The following TJP1 variants were observed in gnomAD, a reference collection of about 807,000 sequenced individuals.
TJP1 encodes tight junction protein 1.
A neutral mutation model predicts 194.2 loss-of-function variants in TJP1; 43 were observed. The ratio of observed to expected loss-of-function variants is 0.22; its 90% CI spans 0.17 to 0.29. TJP1 has a LOEUF of 0.29. Ranked by LOEUF, TJP1 falls within the 10% of genes least tolerant of loss-of-function variation. The pLI is 1.00. For synonymous variants in TJP1, 801 were observed against 779.0 expected (o/e 1.03, Z -0.47); for missense variants, 1,971 against 2,185.7 (o/e 0.90, Z 1.96).
chr15:29,761,989 C>T (rs1012928527), intron 6 of TJP1, among the ~76,000 whole-genome samples: 8 of 152,116 alleles, frequency 5.3e-5, no homozygotes, highest in Non-Finnish European at 8.8e-5. Context: ...TCCCCTAACT[C>T]CTTCTTTGAG....
chr15:29,797,348 C>A (rs2048480218), intron 2 of TJP1, among the ~76,000 whole-genome samples: 1 of 152,118 alleles, frequency 6.6e-6, no homozygotes, highest in Non-Finnish European at 1.5e-5. Context: ...CAGGCTTTCA[C>A]CATGTTGGCC....
intron 4 of TJP1, among the ~76,000 whole-genome samples, chr15:29,767,105 G>C (rs1321886967): frequency 6.6e-6 from 1 of 152,134 alleles, no homozygotes; most frequent in Admixed American, 6.6e-5. Flanking sequence ...TCAGTCTCTG[G>C]ATCTCTTCAA....
In TJP1 at chr15:29,718,317, T is replaced by A. The variant is rs1056744052; in HGVS notation, c.3825A>T (p.Arg1275Ser). ...CCTTCTTGGTCTCTAAGGATGCAGA[T>A]CTTTTGTTTTCAAACATCTTAACTC... is the stretch of plus-strand genomic sequence containing the variant. ...LTRVKMFENK[R>S]SASLETKKDV... The change falls in exon 21 of 28, where the codon AGA becomes AGT. Residue 1275 changes from arginine to serine, a missense_variant. Arg to Ser is a moderately radical substitution (Grantham distance 110). Transcript: ENST00000614355. 1 of 1,613,924 alleles carries A rather than the reference T, an allele frequency of 6.2e-7. No individual in the cohort carries two copies. Among genetic ancestry groups the A allele is most frequent in the African/African-American group, 1.3e-5 (1 of 74,878 alleles).
chr15:29,908,448 G>A (rs989113879), intron 2 of TJP1, among the ~76,000 whole-genome samples: 2 of 152,164 alleles, frequency 1.3e-5, no homozygotes, highest in Non-Finnish European at 1.5e-5. Context: ...GCTATCAAGT[G>A]GGCAGGTGAT....
At chr15:29,904,387 A>G (rs1020653047) in intron 2 of TJP1, among the ~76,000 whole-genome samples, 1 of 152,166 alleles carries the variant, frequency 6.6e-6, no homozygotes, top group African/African-American at 2.4e-5. Context: ...TTTGGCATGC[A>G]GCTAGAGGAG....
Position 29,822,200 on chromosome 15 carries a change from A to C in TJP1, c.-172T>G. On this transcript the variant is annotated 5_prime_UTR_variant, in exon 1 of 28. Transcript: ENST00000614355. The stretch of plus-strand genomic sequence containing the variant: ...GGGGAGGGAATTCAACTCGGACAAA[A>C]GTCCGGGAAGCGCCCGCCCCGCCCG... The C allele has an allele frequency of 8.5e-7, 1 of 1,175,786 alleles. No individual in the cohort carries two copies. Among genetic ancestry groups the C allele is most frequent in the Middle Eastern group, 3.4e-4 (1 of 2,964 alleles). The allele number at this position is 1,175,786 out of a possible 1,614,324, so 72.8% of individuals were successfully genotyped here. A position where few individuals can be genotyped will look rare whatever the true frequency, so the allele number is the denominator to read the frequency against.
intron 2 of TJP1, among the ~76,000 whole-genome samples, chr15:29,909,114 G>A (rs1032910491): frequency 8.1e-5 from 12 of 147,244 alleles, no homozygotes; most frequent in African/African-American, 1.8e-4. Context: ...CCAAGATTGC[G>A]CCACTGCACT....
intron 23 of TJP1, among the ~76,000 whole-genome samples, chr15:29,711,651 GCCA>G (rs1358178987): frequency 6.6e-6 from 1 of 152,186 alleles, no homozygotes; most frequent in African/African-American, 2.4e-5. Flanking sequence ...ACAGGCATGA[GCCA>G]CCGCACCCGG....
Position 29,716,806 on chromosome 15 carries a change from G to T in TJP1, c.4007C>A (p.Pro1336Gln). The T allele has an allele frequency of 6.2e-7, 1 of 1,605,332 alleles. No individual in the cohort carries two copies. The highest frequency in any genetic ancestry group is 8.5e-7 in the Non-Finnish European group (1 of 1,172,558). The change falls in exon 23 of 28, where the codon CCA becomes CAA. Residue 1336 changes from proline (P) to glutamine (Q), a missense_variant. Physicochemically the swap from Pro to Gln is moderately conservative, Grantham distance 76 (BLOSUM62 -1). This residue lies in a region of TJP1 where 1,108 missense variants were observed against 1,128.5 expected (regional missense o/e 0.98). Coordinates refer to ENST00000614355, the MANE Select transcript of TJP1 (RefSeq NM_001330239.4). Reference sequence around the variant, plus strand: ...ATTGGACCGAACAATATCTTCAGGTGGCTTCAGTTGAGGTTTTTGAGGTTC... The same window carrying T: ...ATTGGACCGAACAATATCTTCAGGTTGCTTCAGTTGAGGTTTTTGAGGTTC... The part of the protein sequence containing the change: ...IPEPQKPQLK[P>Q]PEDIVRSNHY...
intron 2 of TJP1, among the ~76,000 whole-genome samples, chr15:29,934,744 T>G (rs1035948839): frequency 2.0e-5 from 3 of 152,218 alleles, no homozygotes; most frequent in Non-Finnish European, 4.4e-5. Context: ...ACTGAAATAT[T>G]TGGAACTTCT....
chr15:29,715,931 C>A (rs1255916171), intron 23 of TJP1, among the ~76,000 whole-genome samples: 1 of 152,184 alleles, frequency 6.6e-6, no homozygotes, highest in Non-Finnish European at 1.5e-5. Flanking sequence ...TACCTGTGTG[C>A]CCGTGTGGGC....
chr15:29,771,804 CAA>C (rs761453592), intron 4 of TJP1, among the ~76,000 whole-genome samples: 16 of 90,666 alleles, frequency 1.8e-4, no homozygotes, highest in Non-Finnish European at 1.6e-4. Flanking sequence ...GACTCCGTCT[CAA>C]AAAAAAAAAA....
At chr15:29,924,875 G>C (rs766042486) in intron 2 of TJP1, among the ~76,000 whole-genome samples, 1 of 152,208 alleles carries the variant, frequency 6.6e-6, no homozygotes, top group Non-Finnish European at 1.5e-5. Context: ...CTAGGCCCAC[G>C]GGGCAGCTCT....
chr15:29,800,469 AATC>A (rs1358934562), intron 2 of TJP1, 174 bp downstream of exon 2: 3 of 601,086 alleles, frequency 5.0e-6, no homozygotes, highest in Non-Finnish European at 8.6e-6. Context: ...ATGAAAAAGT[AATC>A]ATGCTCACTT....
intron 2 of TJP1, among the ~76,000 whole-genome samples, chr15:29,787,766 T>C (rs1332744396): frequency 6.6e-6 from 1 of 152,224 alleles, no homozygotes; most frequent in Admixed American, 6.5e-5. Flanking sequence ...GCCAGATCTA[T>C]TATGAATAAT....
chr15:29,887,828 C>A (rs1175845075), intron 2 of TJP1, among the ~76,000 whole-genome samples: 1 of 152,158 alleles, frequency 6.6e-6, no homozygotes, highest in Admixed American at 6.5e-5. Flanking sequence ...AGTGCTATAA[C>A]ATTTGTATAA....
chr15:29,897,227 C>T (rs975047941), intron 2 of TJP1, among the ~76,000 whole-genome samples: 7 of 152,128 alleles, frequency 4.6e-5, no homozygotes, highest in East Asian at 3.9e-4. Context: ...GCATCCCAGT[C>T]GTGACTAAAA....
intron 1 of TJP1, among the ~76,000 whole-genome samples, chr15:29,959,000 T>G (rs1173330772): frequency 6.6e-6 from 1 of 151,222 alleles, no homozygotes; most frequent in African/African-American, 2.5e-5. Context: ...TTTTTTTTGT[T>G]TTTTTTTGAG....
At chr15:29,754,302 G>C (rs1260339542) in intron 8 of TJP1, among the ~76,000 whole-genome samples, 1 of 152,156 alleles carries the variant, frequency 6.6e-6, no homozygotes, top group Non-Finnish European at 1.5e-5. Context: ...GTTCTCACTT[G>C]TAAGTGGGAG....
Sources: allele counts gnomAD v4.1 joint callset (sites outside exome capture counted in the v4.1 genomes callset), GRCh38; gene constraint gnomAD v4.1.1; regional missense constraint gnomAD v4.1.1; transcripts MANE v1.5; gene names NCBI Gene and HGNC (gene_info 2026-07-23, HGNC 2026-07-21).